FRMPD2: variants seen among roughly 807,000 people sequenced by gnomAD.
The protein encoded by FRMPD2 is FERM and PDZ domain containing 2, also known as FERM and PDZ domain-containing protein 2.
FRMPD2 carries 96 observed loss-of-function variants against 140.1 expected under a neutral mutation model. That is an observed-to-expected ratio of 0.69 (90% confidence interval 0.58 to 0.81). The LOEUF is 0.81. Ranked by LOEUF, FRMPD2 falls within the 40% of genes least tolerant of loss-of-function variation. The probability of loss-of-function intolerance (pLI) is 0.00; values close to 1 mark genes in which losing one functional copy is unlikely to be tolerated. For missense variants in FRMPD2, 1,240 were observed against 1,447.4 expected (o/e 0.86, Z 2.32); for synonymous variants, 449 against 547.6 (o/e 0.82, Z 2.52).
chr10:48,208,992 C>T (rs752277773), intron 13 of FRMPD2, among the ~76,000 whole-genome samples: 4 of 152,204 alleles, frequency 2.6e-5, no homozygotes, highest in Non-Finnish European at 5.9e-5. Flanking sequence ...GGTATCTACC[C>T]TAAGAAAATA....
intron 7 of FRMPD2, among the ~76,000 whole-genome samples, chr10:48,238,640 A>G (rs554704822): frequency 1.3e-5 from 2 of 152,346 alleles, no homozygotes; most frequent in East Asian, 3.9e-4. Flanking sequence ...ATCAACTATG[A>G]CAAGACACTG....
chr10:48,184,516 C>T lies in FRMPD2; in HGVS notation c.2584+50G>A, dbSNP rs1185756043. On this transcript the variant is annotated intron_variant, in intron 20 of 28. Coordinates refer to ENST00000374201, the MANE Select transcript of FRMPD2 (RefSeq NM_001018071.4). ...TAGTACCTCACAGTAATCATGTACT[C>T]CTGAAAACAGGGGAGCCTCTTAAGC... 3.6e-6 allele frequency: 4 copies of T among 1,122,166 alleles called. No homozygotes were observed. The African/African-American group carries it at 6.2e-5, about 17-fold the overall frequency. The allele number at this position is 1,122,166 out of a possible 1,614,324, so 69.5% of individuals were successfully genotyped here. A position where few individuals can be genotyped will look rare whatever the true frequency, so the allele number is the denominator to read the frequency against.
At chr10:48,220,855 T>C (rs1374745401) in intron 12 of FRMPD2, among the ~76,000 whole-genome samples, 1 of 152,144 alleles carries the variant, frequency 6.6e-6, no homozygotes, top group Non-Finnish European at 1.5e-5. Flanking sequence ...ACATCACTAA[T>C]GATCAAGGAA....
intron 1 of FRMPD2, among the ~76,000 whole-genome samples, chr10:48,256,304 C>T (rs975924526): frequency 6.6e-6 from 1 of 152,174 alleles, no homozygotes; most frequent in Non-Finnish European, 1.5e-5. Context: ...GATCAGCCAC[C>T]TCACCCGGGC....
At chr10:48,267,489 T>C (rs1235045155) in intron 1 of FRMPD2, among the ~76,000 whole-genome samples, 2 of 152,136 alleles carry the variant, frequency 1.3e-5, no homozygotes, top group African/African-American at 4.8e-5. Flanking sequence ...AAAAGACATT[T>C]CTGTATCAAA....
chr10:48,228,493 G>A (rs535098687), intron 10 of FRMPD2, among the ~76,000 whole-genome samples: 54 of 151,994 alleles, frequency 3.6e-4, no homozygotes, highest in Admixed American at 1.8e-3. Flanking sequence ...TCTCCTCATT[G>A]TAGAGGAACA....
chr10:48,262,110 T>C (rs919052760), intron 1 of FRMPD2, among the ~76,000 whole-genome samples: 1 of 151,982 alleles, frequency 6.6e-6, no homozygotes, highest in Non-Finnish European at 1.5e-5. Context: ...TCTAACAACA[T>C]CAATAATCAC....
intron 24 of FRMPD2, among the ~76,000 whole-genome samples, 185 bp downstream of exon 24, chr10:48,174,685 C>T (rs1321183892): frequency 6.6e-6 from 1 of 151,310 alleles, no homozygotes; most frequent in Non-Finnish European, 1.5e-5. Flanking sequence ...TATCTGCTAT[C>T]TCCTGGGTTT....
Position 48,247,263 on chromosome 10 carries a change from A to G in FRMPD2, c.309+1758T>C, listed in dbSNP as rs537920544. On this transcript the variant is annotated intron_variant, in intron 3 of 28. Transcript: ENST00000374201. Reference sequence around the variant, plus strand: ...GGTACTCAATGGAGGCCAACCTGCAATCAGGAGGGTGATGCCTGATCCTAA... The same window carrying G: ...GGTACTCAATGGAGGCCAACCTGCAGTCAGGAGGGTGATGCCTGATCCTAA... 5.9e-5 allele frequency among the ~76,000 whole-genome samples: 9 copies of G among 152,348 alleles called. No individual in the cohort carries two copies. The East Asian group carries it at 1.5e-3, about 26-fold the overall frequency.
intron 12 of FRMPD2, among the ~76,000 whole-genome samples, chr10:48,213,681 G>A (rs979299986): frequency 6.6e-6 from 1 of 152,200 alleles, no homozygotes; most frequent in South Asian, 2.1e-4. Flanking sequence ...AAAAGACATG[G>A]AAGAGTCTGA....
chr10:48,228,855 A>G (rs1839786080), intron 10 of FRMPD2, among the ~76,000 whole-genome samples: 1 of 152,076 alleles, frequency 6.6e-6, no homozygotes, highest in African/African-American at 2.4e-5. Flanking sequence ...CAAAACAAAT[A>G]AATAAAGAAA....
At chr10:48,212,275 G>A (rs1163594458) in intron 12 of FRMPD2, among the ~76,000 whole-genome samples, 166 bp from the exon 13 acceptor site, 3 of 152,108 alleles carry the variant, frequency 2.0e-5, no homozygotes, top group African/African-American at 7.2e-5. Flanking sequence ...TTAAAAACGG[G>A]GCCAAACCCT....
At chr10:48,162,093 A>G in intron 28 of FRMPD2, among the ~76,000 whole-genome samples, 1 of 150,794 alleles carries the variant, frequency 6.6e-6, no homozygotes, top group South Asian at 2.1e-4. Context: ...TTGTCCTTGG[A>G]CAAGTCTCTG....
At chr10:48,175,531 C>T (rs1327783279) in intron 23 of FRMPD2, among the ~76,000 whole-genome samples, 2 of 151,452 alleles carry the variant, frequency 1.3e-5, no homozygotes, top group Admixed American at 1.3e-4. Flanking sequence ...TACCGAGGCC[C>T]ACTTGTCCTC....
chr10:48,229,392 T>C (rs1839798229), intron 10 of FRMPD2, among the ~76,000 whole-genome samples: 1 of 152,168 alleles, frequency 6.6e-6, no homozygotes, highest in African/African-American at 2.4e-5. Flanking sequence ...TTGACAGTTT[T>C]GACAGCTTCC....
chr10:48,260,419 G>A (rs1289656969), intron 1 of FRMPD2, among the ~76,000 whole-genome samples: 2 of 151,966 alleles, frequency 1.3e-5, no homozygotes, highest in Admixed American at 1.3e-4. Context: ...AAGCTGGGTA[G>A]GAAAAAAGGG....
intron 13 of FRMPD2, among the ~76,000 whole-genome samples, chr10:48,207,171 C>A (rs1190405499): frequency 6.8e-6 from 1 of 146,600 alleles, no homozygotes; most frequent in African/African-American, 2.5e-5. Flanking sequence ...CCAAGGAATA[C>A]TTTTCTCATG....
intron 25 of FRMPD2, among the ~76,000 whole-genome samples, chr10:48,171,493 A>G (rs2132405210): frequency 6.6e-6 from 1 of 152,406 alleles, no homozygotes; most frequent in Admixed American, 6.5e-5. Context: ...AAACAATTTA[A>G]AAAGTAAAAG....
chr10:48,217,279 C>G (rs532962881), intron 12 of FRMPD2, among the ~76,000 whole-genome samples: 2 of 152,348 alleles, frequency 1.3e-5, no homozygotes, highest in Admixed American at 6.5e-5. Context: ...CTACACCAAA[C>G]AGACAAAAAC....
Sources: gnomAD v4.1 joint callset for allele counts (sites outside exome capture counted in the v4.1 genomes callset) on GRCh38, gnomAD v4.1.1 for gene constraint, MANE v1.5 for transcripts, NCBI Gene and HGNC (gene_info 2026-07-23, HGNC 2026-07-21) for gene names.